MLC1: variants seen among roughly 807,000 people sequenced by gnomAD.
MLC1 encodes modulator of VRAC current 1.
A neutral mutation model predicts 44.7 loss-of-function variants in MLC1; 32 were observed. The ratio of observed to expected loss-of-function variants is 0.72; its 90% CI spans 0.54 to 0.96. MLC1 has a LOEUF of 0.96. Among genes scored for constraint, MLC1 ranks in the 40% least tolerant of loss-of-function variants. The pLI, the probability that MLC1 is intolerant of heterozygous loss-of-function variation, is 0.00. For missense variants in MLC1, 459 were observed against 492.2 expected, an observed-to-expected ratio of 0.93 and a Z score of 0.64; for synonymous variants, 190 against 213.0, an observed-to-expected ratio of 0.89 and a Z score of 0.94.
At chr22:50,070,342 G>T (rs2061820731) in intron 9 of MLC1, among the ~76,000 whole-genome samples, 185 bp downstream of exon 9, 1 of 152,232 alleles carries the variant, frequency 6.6e-6, no homozygotes, top group Non-Finnish European at 1.5e-5. Flanking sequence ...CCTGAGAACA[G>T]TCCCTGCTGA....
At chr22:50,077,590 G>T in intron 5 of MLC1, 88 bp from the exon 6 acceptor site, 4 of 1,084,556 alleles carry the variant, frequency 3.7e-6, no homozygotes, top group Non-Finnish European at 5.6e-6. Context: ...TCACGGGCAG[G>T]CTGCGCAGGA....
chr22:50,065,815 C>G (rs201704768), intron 10 of MLC1, among the ~76,000 whole-genome samples: 2 of 152,330 alleles, frequency 1.3e-5, no homozygotes, highest in East Asian at 3.9e-4. Context: ...CCAGCAGTCT[C>G]TCTCCTAGCT....
chr22:50,076,842 G>A lies in MLC1; in HGVS notation c.596C>T (p.Ser199Leu), dbSNP rs774184754. Residue 199 changes from serine (S) to leucine (L), a missense_variant and splice_region_variant, in exon 7 of 12, where the codon TCA (serine) becomes TTA (leucine). Physicochemically the swap from Ser to Leu is moderately radical, Grantham distance 145. Transcript: ENST00000311597. ...PFPARVLKSY[S>L]VVEVIAGISA... The stretch of plus-strand genomic sequence containing the variant: ...GAGAAAGAAGGGAAGTTTTCTTACT[G>A]AGTAAGATTTCAGGACCCGAGCAGG... 25 of 1,613,416 alleles carry A rather than the reference G, an allele frequency of 1.5e-5. No homozygotes were observed. Among genetic ancestry groups the A allele is most frequent in the African/African-American group, 5.3e-5 (4 of 74,934 alleles).
chr22:50,081,887 C>T (rs548604412), intron 3 of MLC1, among the ~76,000 whole-genome samples: 116 of 152,370 alleles, frequency 7.6e-4, no homozygotes, highest in Middle Eastern at 6.8e-3. Context: ...TCCACTGGGA[C>T]AAGGGCGGCT....
At chr22:50,074,705 G>A (rs1471880397) in intron 7 of MLC1, 1 of 318,210 alleles carries the variant, frequency 3.1e-6, no homozygotes, top group East Asian at 7.6e-5. Flanking sequence ...CCCCATCGAA[G>A]GGACTCGGGA....
In MLC1 at chr22:50,061,555, G is replaced by C; in HGVS notation, c.*28C>G. The C allele has an allele frequency of 6.2e-7, 1 of 1,607,448 alleles. No homozygotes were observed. ...TTCCATGCTTGGGGCCAGGCTGGGC[G>C]CTGCCACCCGGTTTCCGCGTCTGGG... On this transcript the variant is annotated 3_prime_UTR_variant, in exon 12 of 12. Coordinates refer to ENST00000311597, the MANE Select transcript of MLC1 (RefSeq NM_015166.4).
intron 9 of MLC1, among the ~76,000 whole-genome samples, chr22:50,069,195 T>C (rs1157680400): frequency 1.3e-5 from 2 of 151,658 alleles, no homozygotes; most frequent in African/African-American, 4.8e-5. Context: ...CCTGGCTAAT[T>C]GTTTTGTATT....
chr22:50,064,830 C>G (rs2061669919), intron 10 of MLC1, among the ~76,000 whole-genome samples: 1 of 152,182 alleles, frequency 6.6e-6, no homozygotes, highest in Admixed American at 6.5e-5. Flanking sequence ...AAAAACAAAG[C>G]AACTAAATGT....
rs1436249948 is a variant in MLC1, at chr22:50,068,637, G to A, written c.772-82C>T. The stretch of plus-strand genomic sequence containing the variant: ...CGGGCGTGGCCAGGGCTGGGGGGGC[G>A]GGCATGGCCGGGCACTCATGGGCAT... On this transcript the variant is annotated intron_variant, in intron 9 of 11. Coordinates refer to ENST00000311597, the MANE Select transcript of MLC1 (RefSeq NM_015166.4). 18 of 1,312,842 alleles carry A rather than the reference G, an allele frequency of 1.4e-5. 1 individual carries two copies. The Admixed American group carries it at 2.2e-4, about 16-fold the overall frequency. The allele number at this position is 1,312,842 out of a possible 1,614,324, so 81.3% of individuals were successfully genotyped here. A position where few individuals can be genotyped will look rare whatever the true frequency, so the allele number is the denominator to read the frequency against.
intron 7 of MLC1, chr22:50,074,816 C>CGT (rs1569247349): frequency 1.5e-5 from 3 of 204,066 alleles, no homozygotes; most frequent in African/African-American, 6.9e-5. Flanking sequence ...CACCCCTTTC[C>CGT]GTGGCAATGA....
At position 50,076,898 on chromosome 22, in the gene MLC1, G is replaced by A; in HGVS notation, c.540C>T (p.Asp180=). Residue 180 remains aspartate (D), a synonymous_variant, in exon 7 of 12, where the codon GAC becomes GAT. Coordinates refer to ENST00000311597, the MANE Select transcript of MLC1 (RefSeq NM_015166.4). ...DCKKKKGSMS[D]SANILDEVPF... ...GCACTTCGTCCAGAATGTTGGCGCT[G>A]TCAGACATGGAGCCCTACGAAGAAA... is the stretch of plus-strand genomic sequence containing the variant. 6.2e-7 allele frequency: 1 copy of A among 1,613,972 alleles called. No homozygotes were observed. The highest frequency in any genetic ancestry group is 8.5e-7 in the Non-Finnish European group (1 of 1,179,868).
At position 50,076,823 on chromosome 22, in the gene MLC1, GA is replaced by G. The variant is rs2061992872; in HGVS notation, c.597+17del. On this transcript the variant is annotated intron_variant, in intron 7 of 11. Coordinates refer to ENST00000311597, the MANE Select transcript of MLC1 (RefSeq NM_015166.4). ...GACAGAGTATGAGAGAAAAGAGAAAGAAGGGAAGTTTTCTTACTGAGTAAGA... is the reference window on the plus strand; with the variant it reads ...GACAGAGTATGAGAGAAAAGAGAAAGAGGGAAGTTTTCTTACTGAGTAAGA... The G allele has an allele frequency of 6.2e-7, 1 of 1,611,860 alleles. No homozygotes were observed. The highest frequency in any genetic ancestry group is 8.5e-7 in the Non-Finnish European group (1 of 1,177,984).
At position 50,083,018 on chromosome 22, in the gene MLC1, A is replaced by G. The variant is rs2062184046; in HGVS notation, c.267+66T>C. The stretch of plus-strand genomic sequence containing the variant: ...GTGACAGAAACCTGCACATCTCAGA[A>G]CAAAGAAACCAGAGCACGTGCCGGC... On this transcript the variant is annotated intron_variant, in intron 3 of 11. Coordinates refer to ENST00000311597, the MANE Select transcript of MLC1 (RefSeq NM_015166.4). The surrounding 1 kb of genome is among the most constrained non-coding windows in gnomAD (Gnocchi z 4.6). The G allele has an allele frequency of 1.3e-6, 2 of 1,492,618 alleles. No homozygotes were observed. The highest frequency in any genetic ancestry group is 2.8e-5 in the African/African-American group (2 of 72,276). The allele number at this position is 1,492,618 out of a possible 1,614,324, so 92.5% of individuals were successfully genotyped here.
At chr22:50,085,823 C>T (rs1569253496), upstream of MLC1, 1 of 152,082 alleles carries the variant, frequency 6.6e-6, no homozygotes, top group East Asian at 1.9e-4. Context: ...GCTGTGTGGC[C>T]TTGGGCGGCT....
Position 50,074,265 on chromosome 22 carries a change from G to A in MLC1, c.665C>T (p.Ser222Leu), listed in dbSNP as rs2061926555. 1 of 1,614,084 alleles carries A rather than the reference G, an allele frequency of 6.2e-7. No individual in the cohort carries two copies. Among genetic ancestry groups the A allele is most frequent in the Non-Finnish European group, 8.5e-7 (1 of 1,180,022 alleles). The change falls in exon 8 of 12, where the codon TCA becomes TTA. Residue 222 changes from serine (S) to leucine (L), a missense_variant. Physicochemically the swap from Ser to Leu is moderately radical, Grantham distance 145 (BLOSUM62 -2). Transcript: ENST00000311597. ...CACTGAGAGGTGTGGGCCTGAAACT[G>A]AGTCATCCACGTTCAGGGCAATGAT... ...GGIIALNVDD[S>L]VSGPHLSVTF...
chr22:50,061,469 C>T lies in MLC1; in HGVS notation c.*114G>A. The T allele has an allele frequency of 8.5e-7, 1 of 1,172,870 alleles. No individual in the cohort carries two copies. The highest frequency in any genetic ancestry group is 1.3e-6 in the Non-Finnish European group (1 of 791,934). The allele number at this position is 1,172,870 out of a possible 1,614,324, so 72.7% of individuals were successfully genotyped here. ...AAACCCCACCTGCAGCCTGGTTTGC[C>T]CTCACACAAGGGAAAAGAGGTGTTA... On this transcript the variant is annotated 3_prime_UTR_variant, in exon 12 of 12. Coordinates refer to ENST00000311597, the MANE Select transcript of MLC1 (RefSeq NM_015166.4).
intron 11 of MLC1, 97 bp downstream of exon 11, chr22:50,063,936 CA>C (rs1211235448): frequency 2.6e-5 from 36 of 1,362,408 alleles, no homozygotes; most frequent in African/African-American, 7.3e-5. Flanking sequence ...CTCACCTCCC[CA>C]GCTTCCCCCC....
At chr22:50,063,910 G>A in intron 11 of MLC1, 124 bp downstream of exon 11, 5 of 1,035,064 alleles carry the variant, frequency 4.8e-6, no homozygotes, top group Non-Finnish European at 6.7e-6. Flanking sequence ...CCCCGGCTGG[G>A]CACCCCTGTG....
In MLC1 at chr22:50,068,472, T is replaced by C. The variant is rs1383047118; in HGVS notation, c.855A>G (p.Arg285=). The C allele has an allele frequency of 6.2e-7, 1 of 1,613,802 alleles. No individual in the cohort carries two copies. The highest frequency in any genetic ancestry group is 8.5e-7 in the Non-Finnish European group (1 of 1,179,876). The change falls in exon 10 of 12, where the codon AGA becomes AGG. Residue 285 remains arginine (R), a synonymous_variant. Coordinates refer to ENST00000311597, the MANE Select transcript of MLC1 (RefSeq NM_015166.4). The part of the protein sequence containing the change: ...ASGYLSFSIM[R]IVEMFKDYPP... ...GGTAATCCTTAAACATCTCCACGAT[T>C]CTCATGATGCTGAATGACAGATATC...
Sources: gnomAD v4.1 joint callset for allele counts (sites outside exome capture counted in the v4.1 genomes callset) on GRCh38, gnomAD v4.1.1 for gene constraint, Gnocchi (gnomAD v3.1) non-coding constraint, MANE v1.5 for transcripts, NCBI Gene and HGNC (gene_info 2026-07-23, HGNC 2026-07-21) for gene names.